Variants in ACHE observed in about 807,000 individuals in gnomAD.
The protein encoded by ACHE is acetylcholinesterase.
A neutral mutation model predicts 53.9 loss-of-function variants in ACHE; 19 were observed. The observed-to-expected ratio is 0.35, with a 90% CI of 0.25 to 0.52. The LOEUF (loss-of-function observed/expected upper bound fraction) is 0.52, where lower values mean the gene tolerates loss of function less well. Among genes scored for constraint, ACHE ranks in the 20% least tolerant of loss-of-function variants. ACHE has a pLI of 0.95. For synonymous variants in ACHE, 392 were observed against 378.1 expected (o/e 1.04, Z -0.43); for missense variants, 605 against 849.4 (o/e 0.71, Z 3.58).
At position 100,893,302 on chromosome 7, in the gene ACHE, C is replaced by T. The variant is rs1584774744; in HGVS notation, c.931G>A (p.Val311Ile). ...VACLRTRPAQVLVNHEWHVLP... is the reference protein window; with the variant it reads ...VACLRTRPAQILVNHEWHVLP... ...ACGTGCCATTCGTGGTTCACCAGGACCTGCGCTGGTCGTGTCCGAAGGCAG... is the reference window on the plus strand; with the variant it reads ...ACGTGCCATTCGTGGTTCACCAGGATCTGCGCTGGTCGTGTCCGAAGGCAG... Residue 311 changes from valine (V) to isoleucine (I), a missense_variant, in exon 2 of 5, where the codon GTC (valine) becomes ATC (isoleucine). By Grantham distance (29) the Val-to-Ile change is conservative. This residue lies in a region of ACHE where 397 missense variants were observed against 632.5 expected (regional missense o/e 0.63). Coordinates refer to ENST00000241069, the MANE Select transcript of ACHE (RefSeq NM_000665.5). The T allele has an allele frequency of 6.2e-7, 1 of 1,614,008 alleles. No homozygotes were observed. The highest frequency in any genetic ancestry group is 8.5e-7 in the Non-Finnish European group (1 of 1,180,014).
chr7:100,892,868 C>T lies in ACHE; in HGVS notation c.1069-50G>A. ...GGATGGAGCGACAGGCACAGACAGA[C>T]AAGTAGACAGAAACAGATGGACAGA... On this transcript the variant is annotated intron_variant, in intron 2 of 4. Coordinates refer to ENST00000241069, the MANE Select transcript of ACHE (RefSeq NM_000665.5). This position sits in a 1 kb window ranked among gnomAD's most constrained non-coding sequence, Gnocchi z 5.2. 6.7e-7 allele frequency: 1 copy of T among 1,498,424 alleles called. No individual in the cohort carries two copies. The highest frequency in any genetic ancestry group is 8.9e-7 in the Non-Finnish European group (1 of 1,124,940). 92.8% of individuals were successfully genotyped at this position (1,498,424 alleles called of 1,614,324 possible). A position where few individuals can be genotyped will look rare whatever the true frequency, so the allele number is the denominator to read the frequency against.
In ACHE at chr7:100,890,468, G is replaced by A. The variant is rs893837270; in HGVS notation, c.1724-133C>T. On this transcript the variant is annotated intron_variant, in intron 4 of 4. Coordinates refer to ENST00000241069, the MANE Select transcript of ACHE (RefSeq NM_000665.5). ...ACGGAGAAATGCAGGCGACCACGTG[G>A]GACGGTGGCAAGAGGATCAGGAGAA... The A allele has an allele frequency of 4.8e-6, 7 of 1,469,338 alleles. No individual in the cohort carries two copies. In the African/African-American group the frequency reaches 8.4e-5, roughly 18 times the overall value. 91.0% of individuals were successfully genotyped at this position (1,469,338 alleles called of 1,614,324 possible).
intron 2 of ACHE, 130 bp downstream of exon 2, chr7:100,893,035 C>A: frequency 1.6e-6 from 2 of 1,227,600 alleles, no homozygotes; most frequent in Admixed American, 4.7e-5. Context: ...GGGATCTGAG[C>A]CCTCAGGGAG....
At chr7:100,890,688 C>T in intron 4 of ACHE, 8 of 1,322,310 alleles carry the variant, frequency 6.1e-6, no homozygotes, top group Non-Finnish European at 7.7e-6. Flanking sequence ...TCCGGGGCCT[C>T]CCACTTCCCC....
At chr7:100,896,787 C>T (rs764122039), upstream of ACHE, 23 of 287,574 alleles carry the variant, frequency 8.0e-5, no homozygotes, top group Non-Finnish European at 1.3e-4. Context: ...CCCCAGCCTG[C>T]TCCGAGGGGC....
Position 100,890,132 on chromosome 7 carries a change from G to T in ACHE, c.*82C>A. Reference sequence around the variant, plus strand: ...GATGGGCAGAGTCTGGGGCTCGTCTGTGTTATAGCCCAGCCCTGAAATAAA... The same window carrying T: ...GATGGGCAGAGTCTGGGGCTCGTCTTTGTTATAGCCCAGCCCTGAAATAAA... On this transcript the variant is annotated 3_prime_UTR_variant, in exon 5 of 5. Transcript: ENST00000241069. 1 of 1,543,364 alleles carries T rather than the reference G, an allele frequency of 6.5e-7. No individual in the cohort carries two copies. Among genetic ancestry groups the T allele is most frequent in the Non-Finnish European group, 8.8e-7 (1 of 1,133,852 alleles).
intron 4 of ACHE, chr7:100,890,728 A>C (rs1790625470): frequency 3.0e-6 from 4 of 1,331,238 alleles, no homozygotes; most frequent in African/African-American, 1.5e-5. Context: ...CCAAAAGATA[A>C]TTTTATAAAA....
intron 1 of ACHE, among the ~76,000 whole-genome samples, chr7:100,895,470 C>G (rs990472681): frequency 6.6e-6 from 1 of 152,148 alleles, no homozygotes; most frequent in African/African-American, 2.4e-5. Flanking sequence ...GCGCCGGGAA[C>G]CTGCGCAGCT....
Position 100,892,549 on chromosome 7 carries a change from A to T in ACHE, c.1338T>A (p.Ala446=). The change falls in exon 3 of 5, where the codon GCT becomes GCA. Residue 446 remains alanine (A), a synonymous_variant. Coordinates refer to ENST00000241069, the MANE Select transcript of ACHE (RefSeq NM_000665.5). The surrounding 1 kb of genome is among the most constrained non-coding windows in gnomAD (Gnocchi z 5.2). Reference sequence around the variant, plus strand: ...GGGCACCCTGGGCAGCCAGTCGCCCAGCCAGCTGGGCCACGGGGCACACGA... The same window carrying T: ...GGGCACCCTGGGCAGCCAGTCGCCCTGCCAGCTGGGCCACGGGGCACACGA... ...HNVVCPVAQL[A]GRLAAQGARV... 6.2e-7 allele frequency: 1 copy of T among 1,611,162 alleles called. No individual in the cohort carries two copies. The highest frequency in any genetic ancestry group is 8.5e-7 in the Non-Finnish European group (1 of 1,178,042).
chr7:100,893,546 C>A lies in ACHE; in HGVS notation c.687G>T (p.Thr229=), dbSNP rs151335006. 4 of 1,611,352 alleles carry A rather than the reference C, an allele frequency of 2.5e-6. No individual in the cohort carries two copies. The highest frequency in any genetic ancestry group is 3.3e-5 in the Admixed American group (2 of 60,028). ...AAFGGDPTSV[T]LFGESAGAAS... ...CGGCTCCCGCGCTCTCCCCAAACAG[C>A]GTCACTGATGTCGGGTCACCCCCGA... is the stretch of plus-strand genomic sequence containing the variant. Residue 229 remains threonine, a synonymous_variant, in exon 2 of 5, where the codon ACG becomes ACT. Transcript: ENST00000241069.
At chr7:100,890,602 A>T in intron 4 of ACHE, 1 of 1,333,358 alleles carries the variant, frequency 7.5e-7, no homozygotes, top group Non-Finnish European at 9.6e-7. Context: ...CAGAGGGGAC[A>T]GGAGGGGGAG....
Position 100,891,164 on chromosome 7 carries a change from C to G in ACHE, c.1723+5G>C. 1 of 1,599,920 alleles carries G rather than the reference C, an allele frequency of 6.3e-7. No individual in the cohort carries two copies. The highest frequency in any genetic ancestry group is 8.5e-7 in the Non-Finnish European group (1 of 1,174,186). ...CCCAGCCGCTGCCCGCTGGCCCCTG[C>G]ATACCGGTGGCGCTGAGCAATTTGG... On this transcript the variant is annotated splice_donor_5th_base_variant and intron_variant, in intron 4 of 4. Transcript: ENST00000241069.
Sources: gnomAD v4.1 joint callset for allele counts (sites outside exome capture counted in the v4.1 genomes callset) on GRCh38, gnomAD v4.1.1 for gene constraint, gnomAD v4.1.1 regional missense constraint, Gnocchi (gnomAD v3.1) non-coding constraint, MANE v1.5 for transcripts, NCBI Gene and HGNC (gene_info 2026-07-23, HGNC 2026-07-21) for gene names.